EPAS1: variants seen among roughly 807,000 people sequenced by gnomAD.
EPAS1 encodes the protein endothelial PAS domain protein 1.
In EPAS1, 23 loss-of-function variants were observed where a neutral mutation model predicts 87.9. The ratio of observed to expected loss-of-function variants is 0.26; its 90% CI spans 0.19 to 0.37. The LOEUF is 0.37. Ranked by LOEUF, EPAS1 falls within the 10% of genes least tolerant of loss-of-function variation. The pLI, the probability that EPAS1 is intolerant of heterozygous loss-of-function variation, is 1.00. For synonymous variants in EPAS1, 508 were observed against 444.3 expected (o/e 1.14, Z -1.80); for missense variants, 1,138 against 1,120.7 (o/e 1.02, Z -0.22).
rs1406757686 is a variant in EPAS1, at chr2:46,300,519, C to G, written c.26+2582C>G. Among the ~76,000 whole-genome samples the G allele has an allele frequency of 6.6e-6, 1 of 152,102 alleles. No individual in the cohort carries two copies. Among genetic ancestry groups the G allele is most frequent in the African/African-American group, 2.4e-5 (1 of 41,392 alleles). On this transcript the variant is annotated intron_variant, in intron 1 of 15. Transcript: ENST00000263734. The surrounding 1 kb of genome is among the most constrained non-coding windows in gnomAD (Gnocchi z 4.1). ...AGTTGGCTGGGTGTCCTTGATAGTA[C>G]CAGTTTTGGTGGTAGTGGGCATTTG...
Position 46,384,618 on chromosome 2 carries a change from G to C in EPAS1, c.2571G>C (p.Leu857=), listed in dbSNP as rs1402977001. 2 of 1,614,088 alleles carry C rather than the reference G, an allele frequency of 1.2e-6. No individual in the cohort carries two copies. The highest frequency in any genetic ancestry group is 1.7e-6 in the Non-Finnish European group (2 of 1,180,040). ...CCGTGCTGGGAAGCTCCACGCTCCT[G>C]CAAGGAGGGGACCTCCTCAGAGCCC... ...NVPVLGSSTL[L]QGGDLLRALD... The change falls in exon 16 of 16, where the codon CTG becomes CTC. Residue 857 remains leucine (L), a synonymous_variant. Coordinates refer to ENST00000263734, the MANE Select transcript of EPAS1 (RefSeq NM_001430.5).
At chr2:46,323,782 T>C (rs1464877932) in intron 1 of EPAS1, among the ~76,000 whole-genome samples, 1 of 152,268 alleles carries the variant, frequency 6.6e-6, no homozygotes, top group East Asian at 1.9e-4. Context: ...GCCACTATTA[T>C]GCCCCTAGGT....
chr2:46,321,205 T>G (rs1683449278), intron 1 of EPAS1, among the ~76,000 whole-genome samples: 1 of 152,264 alleles, frequency 6.6e-6, no homozygotes, highest in Non-Finnish European at 1.5e-5. Flanking sequence ...ACAACATGTA[T>G]TCAAAGTTTT....
chr2:46,357,626 C>T (rs1684295218), intron 4 of EPAS1, among the ~76,000 whole-genome samples: 1 of 152,208 alleles, frequency 6.6e-6, no homozygotes, highest in Non-Finnish European at 1.5e-5. Flanking sequence ...GAGGAAACTA[C>T]ACGAAGCCAT....
chr2:46,331,968 T>C (rs547391148), intron 1 of EPAS1, among the ~76,000 whole-genome samples: 70 of 152,330 alleles, frequency 4.6e-4, no homozygotes, highest in African/African-American at 1.6e-3. Flanking sequence ...GAATTAGCAG[T>C]GCTCCTGCAC....
At chr2:46,306,414 T>C (rs1267737019) in intron 1 of EPAS1, among the ~76,000 whole-genome samples, 1 of 152,130 alleles carries the variant, frequency 6.6e-6, no homozygotes, top group Non-Finnish European at 1.5e-5. Flanking sequence ...TGGACCTGGT[T>C]GTCCATGGTG....
chr2:46,380,846 T>G lies in EPAS1; in HGVS notation c.2045+129T>G. On this transcript the variant is annotated intron_variant, in intron 12 of 15. Transcript: ENST00000263734. This position sits in a 1 kb window ranked among gnomAD's most constrained non-coding sequence, Gnocchi z 4.4. ...TCTGATACCCCATTTAGCCCTTCTC[T>G]GAGCTCAGACTTTGGGGAATCACCT... 2 of 1,506,382 alleles carry G rather than the reference T, an allele frequency of 1.3e-6. No individual in the cohort carries two copies. The highest frequency in any genetic ancestry group is 1.4e-5 in the African/African-American group (1 of 72,604). The allele number at this position is 1,506,382 out of a possible 1,614,324, so 93.3% of individuals were successfully genotyped here. A position where few individuals can be genotyped will look rare whatever the true frequency, so the allele number is the denominator to read the frequency against.
intron 1 of EPAS1, among the ~76,000 whole-genome samples, chr2:46,345,008 A>C (rs989664731): frequency 8.5e-5 from 13 of 152,384 alleles, no homozygotes; most frequent in East Asian, 7.7e-4. Flanking sequence ...TTTTCTGTCC[A>C]AATAGCAGGC....
chr2:46,380,551 C>T lies in EPAS1; in HGVS notation c.1879C>T (p.Pro627Ser), dbSNP rs760946836. ...ACCGTGCTGTGGCCAGGCCAGCACC[C>T]CTCTCTCTTCCATGGGGGGCAGATC... ...LPPCCGQAST[P>S]LSSMGGRSNT... The change falls in exon 12 of 16, where the codon CCT becomes TCT. Residue 627 changes from proline to serine, a missense_variant. Pro to Ser is a moderately conservative substitution (Grantham distance 74). Transcript: ENST00000263734. This position sits in a 1 kb window ranked among gnomAD's most constrained non-coding sequence, Gnocchi z 4.4. The T allele has an allele frequency of 6.2e-7, 1 of 1,614,188 alleles. No individual in the cohort carries two copies. Among genetic ancestry groups the T allele is most frequent in the South Asian group, 1.1e-5 (1 of 91,084 alleles).
chr2:46,310,908 G>T (rs975500579), intron 1 of EPAS1, among the ~76,000 whole-genome samples: 8 of 152,080 alleles, frequency 5.3e-5, no homozygotes, highest in Admixed American at 5.2e-4. Context: ...ACGGAGTCTC[G>T]CTCTGTTGCC....
chr2:46,328,302 G>A (rs1683604850), intron 1 of EPAS1, among the ~76,000 whole-genome samples: 1 of 152,212 alleles, frequency 6.6e-6, no homozygotes, highest in Non-Finnish European at 1.5e-5. Flanking sequence ...AGGTAAGACA[G>A]GTGGAGGCAT....
chr2:46,321,921 A>G (rs1325250085), intron 1 of EPAS1, among the ~76,000 whole-genome samples: 1 of 152,176 alleles, frequency 6.6e-6, no homozygotes, highest in African/African-American at 2.4e-5. Flanking sequence ...ATGTGAAACT[A>G]TTTTAAATAG....
At chr2:46,336,839 C>A (rs1431642756) in intron 1 of EPAS1, among the ~76,000 whole-genome samples, 1 of 152,210 alleles carries the variant, frequency 6.6e-6, no homozygotes, top group East Asian at 1.9e-4. Context: ...TAACAAGATC[C>A]CTGGGTGATT....
chr2:46,331,010 C>G (rs1305037505), intron 1 of EPAS1, among the ~76,000 whole-genome samples: 1 of 152,184 alleles, frequency 6.6e-6, no homozygotes, highest in Non-Finnish European at 1.5e-5. Context: ...TAGCAATGGC[C>G]TCAACACTAT....
intron 2 of EPAS1, among the ~76,000 whole-genome samples, chr2:46,355,449 C>G (rs562204443): frequency 1.3e-5 from 2 of 152,312 alleles, no homozygotes; most frequent in South Asian, 2.1e-4. Context: ...GCTTTGCAAT[C>G]TTTATACCTT....
At position 46,380,476 on chromosome 2, in the gene EPAS1, C is replaced by T. The variant is rs201987694; in HGVS notation, c.1804C>T (p.Arg602Trp). 79 of 1,614,034 alleles carry T rather than the reference C, an allele frequency of 4.9e-5. No homozygotes were observed. The highest frequency in any genetic ancestry group is 3.3e-4 in the Middle Eastern group (2 of 6,084). The stretch of plus-strand genomic sequence containing the variant: ...GAGCAAGAAGACAGAGCCCGAGCAC[C>T]GGCCCATGTCCTCCATCTTCTTTGA... Reference protein sequence around the residue: ...LESKKTEPEHRPMSSIFFDAG... With the variant: ...LESKKTEPEHWPMSSIFFDAG... Residue 602 changes from arginine (R) to tryptophan (W), a missense_variant, in exon 12 of 16, where the codon CGG becomes TGG. Coordinates refer to ENST00000263734, the MANE Select transcript of EPAS1 (RefSeq NM_001430.5). This position sits in a 1 kb window ranked among gnomAD's most constrained non-coding sequence, Gnocchi z 4.4.
chr2:46,336,196 T>C (rs1166057951), intron 1 of EPAS1, among the ~76,000 whole-genome samples: 2 of 152,150 alleles, frequency 1.3e-5, no homozygotes, highest in Non-Finnish European at 2.9e-5. Flanking sequence ...GCATTTTTGA[T>C]TGTCTTTCAC....
chr2:46,335,354 A>G (rs1683767574), intron 1 of EPAS1, among the ~76,000 whole-genome samples: 1 of 152,124 alleles, frequency 6.6e-6, no homozygotes, highest in South Asian at 2.1e-4. Context: ...CTGTACTTGA[A>G]AAGAGTTCTG....
At chr2:46,302,508 T>C (rs1297805490) in intron 1 of EPAS1, among the ~76,000 whole-genome samples, 1 of 152,060 alleles carries the variant, frequency 6.6e-6, no homozygotes, top group Non-Finnish European at 1.5e-5. Context: ...AAGTTAGCAA[T>C]ATTAGCTCCT....
Sources: allele counts gnomAD v4.1 joint callset (sites outside exome capture counted in the v4.1 genomes callset), GRCh38; gene constraint gnomAD v4.1.1; non-coding constraint Gnocchi (gnomAD v3.1); transcripts MANE v1.5; gene names NCBI Gene and HGNC (gene_info 2026-07-23, HGNC 2026-07-21).